UBE4B: variants seen among roughly 807,000 people sequenced by gnomAD.
The protein encoded by UBE4B is ubiquitination factor E4B, also known as ubiquitin conjugation factor E4 B.
A neutral mutation model predicts 148.1 loss-of-function variants in UBE4B; 27 were observed. The observed-to-expected ratio is 0.18, with a 90% CI of 0.13 to 0.25. The LOEUF (loss-of-function observed/expected upper bound fraction) is 0.25. Ranked by LOEUF, UBE4B falls within the 10% of genes least tolerant of loss-of-function variation. The pLI, the probability that UBE4B is intolerant of heterozygous loss-of-function variation, is 1.00. For missense variants in UBE4B, 1,170 were observed against 1,662.4 expected (o/e 0.70, Z 5.15); for synonymous variants, 596 against 619.3 (o/e 0.96, Z 0.56).
rs890250584 is a variant in UBE4B at position 10,168,505 on chromosome 1, T to C, written c.3333+235T>C. ...AGTCTACAGCCACTTCCAAATGCCT[T>C]ACTGCACTTTGTGCTTAGACAGTAC... is the stretch of plus-strand genomic sequence containing the variant. On this transcript the variant is annotated intron_variant, in intron 24 of 27. Transcript: ENST00000343090. The surrounding 1 kb of genome is among the most constrained non-coding windows in gnomAD (Gnocchi z 4.9). Among the ~76,000 whole-genome samples, 1 of 152,232 alleles carries C rather than the reference T, an allele frequency of 6.6e-6. No homozygotes were observed. The highest frequency in any genetic ancestry group is 1.5e-5 in the Non-Finnish European group (1 of 68,044).
chr1:10,074,420 C>G lies in UBE4B; in HGVS notation c.211+2206C>G, dbSNP rs540068382. Among the ~76,000 whole-genome samples the G allele has an allele frequency of 6.6e-5, 10 of 151,736 alleles. No homozygotes were observed. The South Asian group carries it at 1.0e-3, about 16-fold the overall frequency. On this transcript the variant is annotated intron_variant, in intron 2 of 27. Coordinates refer to ENST00000343090, the MANE Select transcript of UBE4B (RefSeq NM_001105562.3). ...AATGAACAAAAGGAACTCTCTTGAT[C>G]TAATTCCCCCTGCCAGCTTCTCCCC...
At chr1:10,128,087 A>G (rs927582962) in intron 11 of UBE4B, among the ~76,000 whole-genome samples, 1 of 152,228 alleles carries the variant, frequency 6.6e-6, no homozygotes, top group African/African-American at 2.4e-5. Context: ...TGTGGCAGAT[A>G]AAAGGAAGTG....
At chr1:10,058,506 A>G (rs968619834) in intron 1 of UBE4B, among the ~76,000 whole-genome samples, 3 of 152,176 alleles carry the variant, frequency 2.0e-5, no homozygotes, top group Non-Finnish European at 4.4e-5. Flanking sequence ...GGAGCCAGGC[A>G]GTGAGGCATG....
intron 2 of UBE4B, among the ~76,000 whole-genome samples, chr1:10,080,426 A>G (rs1028406567): frequency 1.8e-4 from 27 of 151,624 alleles, no homozygotes; most frequent in Non-Finnish European, 2.8e-4. Context: ...CAAAAAAAAA[A>G]AAAGAAAGAA....
intron 19 of UBE4B, among the ~76,000 whole-genome samples, chr1:10,147,998 C>T (rs1012947708): frequency 6.6e-6 from 1 of 152,074 alleles, no homozygotes; most frequent in South Asian, 2.1e-4. Context: ...GAGGCCAGGG[C>T]GGGTGGATCA....
At chr1:10,115,126 A>G (rs1220661494) in intron 7 of UBE4B, among the ~76,000 whole-genome samples, 1 of 145,934 alleles carries the variant, frequency 6.9e-6, no homozygotes, top group African/African-American at 2.5e-5. Flanking sequence ...TCAAAGTAGC[A>G]TTGTTTCTCC....
intron 2 of UBE4B, among the ~76,000 whole-genome samples, chr1:10,089,783 T>TCTGCCTG (rs1557543064): frequency 6.6e-6 from 1 of 151,552 alleles, no homozygotes; most frequent in Non-Finnish European, 1.5e-5. Context: ...CACTGCAACC[T>TCTGCCTG]CTGCCTGCAA....
At chr1:10,046,195 C>T (rs1022897615) in intron 1 of UBE4B, among the ~76,000 whole-genome samples, 1 of 152,210 alleles carries the variant, frequency 6.6e-6, no homozygotes, top group African/African-American at 2.4e-5. Flanking sequence ...ACCCAAGTCA[C>T]ATGGCCACAG....
chr1:10,095,202 G>A (rs1032821898), intron 2 of UBE4B, among the ~76,000 whole-genome samples: 1 of 152,208 alleles, frequency 6.6e-6, no homozygotes, highest in Non-Finnish European at 1.5e-5. Context: ...GAGAGGTGAT[G>A]AGGGGTGAGT....
chr1:10,159,245 T>G (rs1646122198), intron 22 of UBE4B, among the ~76,000 whole-genome samples: 1 of 152,182 alleles, frequency 6.6e-6, no homozygotes, highest in Non-Finnish European at 1.5e-5. Context: ...TTAAAGACTT[T>G]TCATATACCT....
At chr1:10,126,123 A>AC (rs1477884911) in intron 10 of UBE4B, among the ~76,000 whole-genome samples, 1 of 152,020 alleles carries the variant, frequency 6.6e-6, no homozygotes, top group East Asian at 1.9e-4. Flanking sequence ...ACAAAGTGAA[A>AC]CCCCGTCTCT....
rs373796395 is a variant in UBE4B at position 10,126,848 on chromosome 1, G to A, written c.1609G>A (p.Asp537Asn). The change falls in exon 11 of 28, where the codon GAC becomes AAC. Residue 537 changes from aspartate (D) to asparagine (N), a missense_variant. By Grantham distance (23) the Asp-to-Asn change is conservative. Around this residue, in one of 6 missense-constraint regions of UBE4B, gnomAD observed 388 missense variants for 536.0 expected, o/e 0.72. Coordinates refer to ENST00000343090, the MANE Select transcript of UBE4B (RefSeq NM_001105562.3). ...TCTTGCTGCCAAAGAGTGCTCCCTC[G>A]ACAGTGACTACTTTAAATACCCCCT... ...LALAAKECSLDSDYFKYPLMA... is the reference protein window; with the variant it reads ...LALAAKECSLNSDYFKYPLMA... 18 of 1,613,708 alleles carry A rather than the reference G, an allele frequency of 1.1e-5. No individual in the cohort carries two copies. The highest frequency in any genetic ancestry group is 3.3e-5 in the South Asian group (3 of 91,072).
At chr1:10,147,900 C>T (rs1477279000) in intron 19 of UBE4B, among the ~76,000 whole-genome samples, 1 of 152,052 alleles carries the variant, frequency 6.6e-6, no homozygotes, top group African/African-American at 2.4e-5. Flanking sequence ...GAGATTGGCC[C>T]AAGACCCGTG....
At chr1:10,111,682 C>T (rs183844721) in intron 7 of UBE4B, among the ~76,000 whole-genome samples, 17 of 152,212 alleles carry the variant, frequency 1.1e-4, no homozygotes, top group African/African-American at 2.6e-4. Flanking sequence ...CAAGGCCAGG[C>T]GCGGTGGCTC....
intron 7 of UBE4B, among the ~76,000 whole-genome samples, chr1:10,117,035 AC>A (rs1339754033): frequency 2.6e-5 from 4 of 152,220 alleles, no homozygotes; most frequent in Non-Finnish European, 4.4e-5. Context: ...GGTAGAAGTC[AC>A]AAAGATGAGG....
At chr1:10,043,630 G>T (rs528432999) in intron 1 of UBE4B, among the ~76,000 whole-genome samples, 1 of 151,578 alleles carries the variant, frequency 6.6e-6, no homozygotes, top group South Asian at 2.1e-4. Context: ...GGGTTTCACC[G>T]TGTTAGCCAG....
At chr1:10,065,192 GT>G (rs1644365564) in intron 1 of UBE4B, among the ~76,000 whole-genome samples, 1 of 152,138 alleles carries the variant, frequency 6.6e-6, no homozygotes, top group Admixed American at 6.6e-5. Context: ...ATACTTGTTG[GT>G]TTTGGCTGAA....
At chr1:10,052,762 G>A (rs1644076436) in intron 1 of UBE4B, among the ~76,000 whole-genome samples, 1 of 152,150 alleles carries the variant, frequency 6.6e-6, no homozygotes, top group African/African-American at 2.4e-5. Context: ...CTGGGTAGAT[G>A]TCGTAGTTCA....
intron 17 of UBE4B, among the ~76,000 whole-genome samples, chr1:10,138,101 ATTT>A (rs773852548): frequency 2.3e-5 from 3 of 132,246 alleles, no homozygotes; most frequent in Non-Finnish European, 3.3e-5. Flanking sequence ...CGCCTGGCCA[ATTT>A]TTTTTTTTTT....
Sources: gnomAD v4.1 joint callset for allele counts (sites outside exome capture counted in the v4.1 genomes callset) on GRCh38, gnomAD v4.1.1 for gene constraint, gnomAD v4.1.1 regional missense constraint, Gnocchi (gnomAD v3.1) non-coding constraint, MANE v1.5 for transcripts, NCBI Gene and HGNC (gene_info 2026-07-23, HGNC 2026-07-21) for gene names.